TTC28: variants seen among roughly 807,000 people sequenced by gnomAD.
The protein encoded by TTC28 is tetratricopeptide repeat protein 28.
In TTC28, 61 loss-of-function variants were observed where a neutral mutation model predicts 198.0. The ratio of observed to expected loss-of-function variants is 0.31; its 90% CI spans 0.25 to 0.38. TTC28 has a LOEUF of 0.38. Among genes scored for constraint, TTC28 ranks in the 10% least tolerant of loss-of-function variants. The pLI, the probability that TTC28 is intolerant of heterozygous loss-of-function variation, is 1.00. For missense variants in TTC28, 2,678 were observed against 3,164.0 expected (o/e 0.85, Z 3.69); for synonymous variants, 1,171 against 1,297.8 (o/e 0.90, Z 2.10).
chr22:28,374,209 T>C (rs892515117), intron 2 of TTC28, among the ~76,000 whole-genome samples: 11 of 152,212 alleles, frequency 7.2e-5, no homozygotes, highest in Admixed American at 3.9e-4. Flanking sequence ...AAGAGTAAAT[T>C]TGCACATCCA....
chr22:27,992,579 C>A lies in TTC28; in HGVS notation c.5553+8G>T. 6.4e-7 allele frequency: 1 copy of A among 1,551,216 alleles called. No homozygotes were observed. Among genetic ancestry groups the A allele is most frequent in the Non-Finnish European group, 8.7e-7 (1 of 1,146,922 alleles). ...AGGCCCTGGCTCAGCCCTCCAGGCT[C>A]GACTTACCCGGCTGATGAGCTGCTC... On this transcript the variant is annotated splice_region_variant and intron_variant, in intron 19 of 22. Transcript: ENST00000397906.
At chr22:28,481,637 G>A (rs1480965510) in intron 2 of TTC28, among the ~76,000 whole-genome samples, 5 of 152,168 alleles carry the variant, frequency 3.3e-5, no homozygotes, top group African/African-American at 1.2e-4. Context: ...ATGAGAATTA[G>A]AAATTTGTTC....
At chr22:28,580,067 G>A (rs907912582) in intron 2 of TTC28, among the ~76,000 whole-genome samples, 1 of 151,986 alleles carries the variant, frequency 6.6e-6, no homozygotes, top group African/African-American at 2.4e-5. Context: ...GTATTGTGTT[G>A]ATAAAGTCAG....
chr22:28,006,256 A>T (rs1937925023), intron 14 of TTC28, among the ~76,000 whole-genome samples: 1 of 152,178 alleles, frequency 6.6e-6, no homozygotes, highest in Admixed American at 6.5e-5. Context: ...CTTGGTTTCC[A>T]AACCCACAGG....
At chr22:28,524,212 C>T (rs1038622479) in intron 2 of TTC28, among the ~76,000 whole-genome samples, 4 of 152,096 alleles carry the variant, frequency 2.6e-5, no homozygotes, top group Admixed American at 2.0e-4. Flanking sequence ...GATCCCAGCA[C>T]TTTGGGAGGC....
At position 28,540,824 on chromosome 22, in the gene TTC28, T is replaced by C. The variant is rs531287794; in HGVS notation, c.381+88728A>G. ...TTCCTTCATTCTACAGGGGAAAAAA[T>C]TGATATCTGAATAGTTTGAATATGT... On this transcript the variant is annotated intron_variant, in intron 2 of 22. Coordinates refer to ENST00000397906, the MANE Select transcript of TTC28 (RefSeq NM_001145418.2). 1.5e-4 allele frequency among the ~76,000 whole-genome samples: 23 copies of C among 152,218 alleles called. No homozygotes were observed. The South Asian group carries it at 3.3e-3, about 22-fold the overall frequency.
At chr22:28,203,057 T>C (rs1408520222) in intron 5 of TTC28, among the ~76,000 whole-genome samples, 1 of 152,210 alleles carries the variant, frequency 6.6e-6, no homozygotes, top group Non-Finnish European at 1.5e-5. Flanking sequence ...TCCAATTTTA[T>C]ATAAATAATA....
chr22:28,018,316 G>C (rs1045717856), intron 13 of TTC28, among the ~76,000 whole-genome samples: 1 of 142,530 alleles, frequency 7.0e-6, no homozygotes, highest in African/African-American at 2.6e-5. Context: ...CGGGGGGGGG[G>C]GCGGGGAACC....
chr22:27,984,432 C>G (rs1200223515), intron 22 of TTC28, among the ~76,000 whole-genome samples: 2 of 152,112 alleles, frequency 1.3e-5, no homozygotes, highest in Admixed American at 1.3e-4. Flanking sequence ...GAGACACACC[C>G]TGCCCTCACC....
intron 14 of TTC28, chr22:28,007,223 CAG>C (rs1196697190): frequency 1.3e-5 from 2 of 152,046 alleles, no homozygotes; most frequent in Non-Finnish European, 2.9e-5. Flanking sequence ...ATTTATCAAA[CAG>C]AACTGTTTAA....
At chr22:28,625,176 A>G (rs1414136149) in intron 2 of TTC28, among the ~76,000 whole-genome samples, 1 of 152,166 alleles carries the variant, frequency 6.6e-6, no homozygotes, top group Admixed American at 6.5e-5. Flanking sequence ...CTTCTAGTCA[A>G]CATTGTACCG....
chr22:27,990,064 C>T, intron 20 of TTC28, 57 bp from the exon 21 acceptor site: 1 of 1,522,348 alleles, frequency 6.6e-7, no homozygotes, highest in Non-Finnish European at 8.9e-7. Context: ...CAGCCCACCT[C>T]AAGACTCGAC....
rs759406155 is a variant in TTC28, at chr22:28,001,700, G to C, written c.4219-147C>G. On this transcript the variant is annotated intron_variant, in intron 14 of 22. Coordinates refer to ENST00000397906, the MANE Select transcript of TTC28 (RefSeq NM_001145418.2). ...TGTGGGGCGCCATGGGGCATGGGCC[G>C]AGTTGCAGCCCTGCAGGAGCGGCAC... 4.3e-6 allele frequency: 4 copies of C among 921,758 alleles called. No individual in the cohort carries two copies. In the South Asian group the frequency reaches 6.9e-5, roughly 16 times the overall value. 57.1% of individuals were successfully genotyped at this position (921,758 alleles called of 1,614,324 possible). A position where few individuals can be genotyped will look rare whatever the true frequency, so the allele number is the denominator to read the frequency against.
intron 19 of TTC28, among the ~76,000 whole-genome samples, chr22:27,992,176 A>G (rs1937437990): frequency 6.6e-6 from 1 of 152,096 alleles, no homozygotes; most frequent in Non-Finnish European, 1.5e-5. Context: ...CATCCTCTGA[A>G]GGCCCTGGAT....
At position 28,075,467 on chromosome 22, in the gene TTC28, A is replaced by G. The variant is rs117784450; in HGVS notation, c.3932+18613T>C. On this transcript the variant is annotated intron_variant, in intron 12 of 22. Transcript: ENST00000397906. ...TATGTCTGCCTTTTGGAAGCCAGCC[A>G]TGGTAGGAGAGGAGGCCACAACAAG... 4.5e-3 allele frequency among the ~76,000 whole-genome samples: 685 copies of G among 152,258 alleles called. 1 individual carries two copies. Among genetic ancestry groups the G allele is most frequent in the Non-Finnish European group, 7.3e-3 (495 of 68,018 alleles).
chr22:28,486,261 A>G (rs549496130), intron 2 of TTC28, among the ~76,000 whole-genome samples: 1 of 152,168 alleles, frequency 6.6e-6, no homozygotes, highest in Non-Finnish European at 1.5e-5. Flanking sequence ...AAAAACAGGT[A>G]TTTCCAGGGA....
chr22:28,128,571 T>C (rs1290403828), intron 6 of TTC28, among the ~76,000 whole-genome samples: 1 of 152,064 alleles, frequency 6.6e-6, no homozygotes, highest in Non-Finnish European at 1.5e-5. Flanking sequence ...AGGGTTTTGT[T>C]CTGTCACCCA....
intron 5 of TTC28, among the ~76,000 whole-genome samples, chr22:28,289,454 A>G (rs1379456544): frequency 2.0e-5 from 3 of 152,152 alleles, no homozygotes; most frequent in African/African-American, 7.2e-5. Context: ...TGAAGCCATT[A>G]AAGTAGACAG....
chr22:28,075,632 A>T (rs967238898), intron 12 of TTC28, among the ~76,000 whole-genome samples: 1 of 152,236 alleles, frequency 6.6e-6, no homozygotes, highest in African/African-American at 2.4e-5. Context: ...CCTGCAGCAA[A>T]GGACAGACTA....
Sources: allele counts gnomAD v4.1 joint callset (sites outside exome capture counted in the v4.1 genomes callset), GRCh38; gene constraint gnomAD v4.1.1; transcripts MANE v1.5; gene names NCBI Gene and HGNC (gene_info 2026-07-23, HGNC 2026-07-21).